RAD52: variants seen among roughly 807,000 people sequenced by gnomAD.
RAD52 encodes the protein DNA repair protein RAD52 homolog.
In RAD52, 47 loss-of-function variants were observed where a neutral mutation model predicts 55.5. The observed-to-expected ratio is 0.85, with a 90% CI of 0.67 to 1.08. The LOEUF (loss-of-function observed/expected upper bound fraction) is 1.08, where lower values mean the gene tolerates loss of function less well. Among genes scored for constraint, RAD52 ranks in the 50% least tolerant of loss-of-function variants. The probability of loss-of-function intolerance (pLI) is 0.00; values close to 1 mark genes in which losing one functional copy is unlikely to be tolerated. For missense variants in RAD52, 468 were observed against 522.8 expected (o/e 0.90, Z 1.02); for synonymous variants, 184 against 198.9 (o/e 0.92, Z 0.63).
At chr12:990,518 T>G (rs893425765), upstream of RAD52, 5 of 152,194 alleles carry the variant, frequency 3.3e-5, no homozygotes, top group African/African-American at 9.7e-5. Flanking sequence ...GGTCGGAACG[T>G]GGACACTAAT....
At chr12:985,438 C>T (rs1565717678) in intron 1 of RAD52, among the ~76,000 whole-genome samples, 1 of 152,178 alleles carries the variant, frequency 6.6e-6, no homozygotes, top group Non-Finnish European at 1.5e-5. Context: ...AGCCACTGCA[C>T]CTGGTCTCAA....
chr12:958,802 G>A (rs1243213929), intron 1 of RAD52, among the ~76,000 whole-genome samples: 1 of 152,166 alleles, frequency 6.6e-6, no homozygotes, highest in Admixed American at 6.5e-5. Flanking sequence ...GTGGCGGTGG[G>A]TGGGGCACTC....
At chr12:966,246 C>A (rs968806826) in intron 1 of RAD52, among the ~76,000 whole-genome samples, 1 of 152,114 alleles carries the variant, frequency 6.6e-6, no homozygotes, top group Non-Finnish European at 1.5e-5. Context: ...GGATTACATG[C>A]GTGAGCCACC....
At chr12:989,466 C>T (rs1041818471) in intron 1 of RAD52, among the ~76,000 whole-genome samples, 1 of 152,008 alleles carries the variant, frequency 6.6e-6, no homozygotes, top group African/African-American at 2.4e-5. Context: ...TACATGTGCT[C>T]GGTTAGCTAG....
intron 1 of RAD52, among the ~76,000 whole-genome samples, chr12:979,345 G>A (rs1318405798): frequency 6.6e-6 from 1 of 152,080 alleles, no homozygotes; most frequent in Non-Finnish European, 1.5e-5. Context: ...GGAGGCTGAG[G>A]CATAAGAATC....
At chr12:927,673 C>G (rs1235258752) in intron 5 of RAD52, among the ~76,000 whole-genome samples, 1 of 152,082 alleles carries the variant, frequency 6.6e-6, no homozygotes. Flanking sequence ...CAAGACCAGC[C>G]TGGTCAACAT....
chr12:917,584 A>T lies in RAD52; in HGVS notation c.544-764T>A, dbSNP rs11571459. On this transcript the variant is annotated intron_variant, in intron 7 of 11. Transcript: ENST00000358495. ...ACATTGAAAGATAAATGAGTAGTTT[A>T]AAAAGAAATGAGCTTTGGCCAGGCA... is the stretch of plus-strand genomic sequence containing the variant. Among the ~76,000 whole-genome samples the T allele has an allele frequency of 4.1e-3, 625 of 152,192 alleles. 4 individuals carry two copies. Among genetic ancestry groups the T allele is most frequent in the South Asian group, 0.031 (152 of 4,826 alleles).
rs1008103764 is a variant in RAD52, at chr12:921,089, T to C, written c.544-4269A>G. The stretch of plus-strand genomic sequence containing the variant: ...ACTTAGAAGAATTCCCAGAGACAAA[T>C]GATACTACAACACAACCTACCAAAC... On this transcript the variant is annotated intron_variant, in intron 7 of 11. Coordinates refer to ENST00000358495, the MANE Select transcript of RAD52 (RefSeq NM_134424.4). Among the ~76,000 whole-genome samples the C allele has an allele frequency of 1.2e-4, 18 of 151,422 alleles. 1 individual carries two copies. Among genetic ancestry groups the C allele is most frequent in the African/African-American group, 4.1e-4 (17 of 41,154 alleles).
upstream of RAD52, among the ~76,000 whole-genome samples, chr12:952,657 C>T (rs977781676): frequency 7.9e-5 from 12 of 151,136 alleles, no homozygotes; most frequent in Non-Finnish European, 1.8e-4. Flanking sequence ...GAGGTCAAGA[C>T]GAGAGGATCG....
intron 5 of RAD52, among the ~76,000 whole-genome samples, chr12:928,249 C>A (rs1378612114): frequency 6.6e-6 from 1 of 152,132 alleles, no homozygotes; most frequent in Non-Finnish European, 1.5e-5. Flanking sequence ...CGGTGGCTCA[C>A]GCCTGTAATC....
At chr12:983,096 C>T (rs1369114787) in intron 1 of RAD52, among the ~76,000 whole-genome samples, 1 of 151,790 alleles carries the variant, frequency 6.6e-6, no homozygotes, top group Non-Finnish European at 1.5e-5. Context: ...GTGATCCGCC[C>T]GCCTCAGCCT....
chr12:982,059 T>G (rs1959024177), intron 1 of RAD52, among the ~76,000 whole-genome samples: 2 of 152,166 alleles, frequency 1.3e-5, no homozygotes, highest in Admixed American at 1.3e-4. Context: ...GGGCCTGCAG[T>G]TCGAATGGCA....
intron 1 of RAD52, among the ~76,000 whole-genome samples, chr12:940,857 GA>G (rs964505830): frequency 6.2e-5 from 9 of 146,088 alleles, no homozygotes; most frequent in African/African-American, 1.5e-4. Flanking sequence ...CAAACTTCGA[GA>G]AAAAAAAAAG....
intron 1 of RAD52, among the ~76,000 whole-genome samples, chr12:970,176 AGG>A (rs1958823678): frequency 6.6e-6 from 1 of 151,940 alleles, no homozygotes; most frequent in Non-Finnish European, 1.5e-5. Context: ...GTGTGGTGGC[AGG>A]TGCCTGTGAT....
At chr12:960,174 T>C (rs539982204) in intron 1 of RAD52, among the ~76,000 whole-genome samples, 1 of 152,166 alleles carries the variant, frequency 6.6e-6, no homozygotes, top group Non-Finnish European at 1.5e-5. Flanking sequence ...ATCACTCTGG[T>C]TGTTGTACGG....
chr12:951,109 A>AT (rs948352510), upstream of RAD52, among the ~76,000 whole-genome samples: 39 of 150,658 alleles, frequency 2.6e-4, no homozygotes, highest in African/African-American at 5.2e-4. Context: ...TTGATAAATG[A>AT]TTTTTTTTTT....
intron 5 of RAD52, chr12:929,603 T>G: frequency 1.3e-6 from 1 of 757,298 alleles, no homozygotes; most frequent in Non-Finnish European, 2.4e-6. Context: ...GTGAAAACTT[T>G]TAGGTGTCAG....
At chr12:935,866 AAAT>A (rs1565677908) in intron 1 of RAD52, among the ~76,000 whole-genome samples, 1 of 7,810 alleles carries the variant, frequency 1.3e-4, no homozygotes, top group Non-Finnish European at 3.8e-4. Flanking sequence ...AAAAATAAAT[AAAT>A]AAATAAATAA....
intron 2 of RAD52, among the ~76,000 whole-genome samples, chr12:932,078 G>C (rs1957351058): frequency 6.6e-6 from 1 of 152,216 alleles, no homozygotes; most frequent in Non-Finnish European, 1.5e-5. Context: ...GACAACTGGA[G>C]CCAGGCGCGG....
Sources: allele counts gnomAD v4.1 joint callset (sites outside exome capture counted in the v4.1 genomes callset), GRCh38; gene constraint gnomAD v4.1.1; transcripts MANE v1.5; gene names NCBI Gene and HGNC (gene_info 2026-07-23, HGNC 2026-07-21).